Variants in MKLN1 observed in about 807,000 individuals in gnomAD.
MKLN1 encodes the protein muskelin.
A neutral mutation model predicts 99.0 loss-of-function variants in MKLN1; 18 were observed. The ratio of observed to expected loss-of-function variants is 0.18; its 90% CI spans 0.13 to 0.27. MKLN1 has a LOEUF of 0.27. Ranked by LOEUF, MKLN1 falls within the 10% of genes least tolerant of loss-of-function variation. The pLI is 1.00. For missense variants in MKLN1, 621 were observed against 875.9 expected (o/e 0.71, Z 3.67); for synonymous variants, 288 against 293.2 (o/e 0.98, Z 0.18).
intron 12 of MKLN1, among the ~76,000 whole-genome samples, chr7:131,448,944 C>G (rs898579626): frequency 6.6e-6 from 1 of 152,168 alleles, no homozygotes; most frequent in African/African-American, 2.4e-5. Context: ...ACTTGGGATT[C>G]ATCTATGGAC....
chr7:131,382,411 A>G (rs1182940080), intron 2 of MKLN1, among the ~76,000 whole-genome samples: 1 of 151,424 alleles, frequency 6.6e-6, no homozygotes, highest in East Asian at 1.9e-4. Context: ...TTGTGGTTTT[A>G]ATTTGCATTT....
chr7:131,325,702 CA>C (rs3837072), upstream of MKLN1, among the ~76,000 whole-genome samples: 125,843 of 144,676 alleles, frequency 0.87, 54,727 homozygotes, highest in East Asian at 0.91. Flanking sequence ...GATTCTGTCT[CA>C]AAAAAAAAAA....
chr7:131,116,711 T>C (rs1795283360), intron 1 of MKLN1, among the ~76,000 whole-genome samples: 1 of 151,422 alleles, frequency 6.6e-6, no homozygotes, highest in Non-Finnish European at 1.5e-5. Context: ...CTCTGGAAAA[T>C]TGGGTAAAGG....
rs1797400568 is a variant in MKLN1 at position 131,490,632 on chromosome 7, A to G, written c.*2904A>G. 6.6e-6 allele frequency: 1 copy of G among 152,594 alleles called. No homozygotes were observed. 9.5% of individuals were successfully genotyped at this position (152,594 alleles called of 1,614,324 possible). ...TCTTTTAGACCTGATTTTCATTTAT[A>G]TGAAAACAGACCTGTCCATGTCTAA... is the stretch of plus-strand genomic sequence containing the variant. On this transcript the variant is annotated 3_prime_UTR_variant, in exon 18 of 18. Transcript: ENST00000352689.
intron 1 of MKLN1, 44 bp from the exon 2 acceptor site, chr7:131,375,380 C>T (rs757686745): frequency 2.4e-6 from 3 of 1,227,274 alleles, no homozygotes; most frequent in Non-Finnish European, 3.6e-6. Context: ...CCTGTTTTTG[C>T]CTATTCATGT....
In MKLN1 at chr7:131,494,756, G is replaced by A. The variant is rs912944081; in HGVS notation, c.*7028G>A. 2 of 152,046 alleles carry A rather than the reference G, an allele frequency of 1.3e-5. No individual in the cohort carries two copies. Among genetic ancestry groups the A allele is most frequent in the Admixed American group, 6.6e-5 (1 of 15,246 alleles). 9.4% of individuals were successfully genotyped at this position (152,046 alleles called of 1,614,324 possible). A position where few individuals can be genotyped will look rare whatever the true frequency, so the allele number is the denominator to read the frequency against. Reference sequence around the variant, plus strand: ...TTATGATTGTCTTATTCTTTAAGCCGGCTTACTTTTTGGATTTGTGTGAAA... The same window carrying A: ...TTATGATTGTCTTATTCTTTAAGCCAGCTTACTTTTTGGATTTGTGTGAAA... On this transcript the variant is annotated 3_prime_UTR_variant, in exon 18 of 18. Coordinates refer to ENST00000352689, the MANE Select transcript of MKLN1 (RefSeq NM_013255.5).
At chr7:131,446,037 A>G in intron 12 of MKLN1, 134 bp downstream of exon 12, 1 of 516,148 alleles carries the variant, frequency 1.9e-6, no homozygotes. Flanking sequence ...AAGTAAGAGA[A>G]AGAAAATTCT....
intron 1 of MKLN1, among the ~76,000 whole-genome samples, chr7:131,123,390 T>C (rs1750778641): frequency 6.6e-6 from 1 of 152,202 alleles, no homozygotes; most frequent in East Asian, 1.9e-4. Flanking sequence ...AACCTGGCCA[T>C]ATTCCAATAA....
chr7:131,199,780 G>A (rs944432866), intron 2 of MKLN1, among the ~76,000 whole-genome samples: 1 of 152,128 alleles, frequency 6.6e-6, no homozygotes, highest in Non-Finnish European at 1.5e-5. Context: ...TGCAACATCT[G>A]CTGCCAGGGT....
At chr7:131,133,888 G>T (rs1795606795) in intron 1 of MKLN1, among the ~76,000 whole-genome samples, 1 of 127,790 alleles carries the variant, frequency 7.8e-6, no homozygotes, top group African/African-American at 2.9e-5. Context: ...GGAGCACAAT[G>T]GTGCAATCTC....
intron 12 of MKLN1, among the ~76,000 whole-genome samples, chr7:131,452,515 T>G (rs1253119618): frequency 1.3e-5 from 2 of 150,344 alleles, no homozygotes; most frequent in African/African-American, 2.4e-5. Context: ...AGTATGGTCA[T>G]AACTCTTTAT....
chr7:131,124,690 G>A, intron 1 of MKLN1, among the ~76,000 whole-genome samples: 1 of 152,068 alleles, frequency 6.6e-6, no homozygotes, highest in East Asian at 1.9e-4. Context: ...TGGTCCTCCT[G>A]CCTTGTATCC....
In MKLN1 at chr7:131,492,671, G is replaced by A. The variant is rs898852866; in HGVS notation, c.*4943G>A. ...GGATCACTTGAACCCAGGAGTTTGGGGTGCAGTGAGCTATGATTGCGACAC... is the reference window on the plus strand; with the variant it reads ...GGATCACTTGAACCCAGGAGTTTGGAGTGCAGTGAGCTATGATTGCGACAC... On this transcript the variant is annotated 3_prime_UTR_variant, in exon 18 of 18. Transcript: ENST00000352689. The A allele has an allele frequency of 1.3e-5, 2 of 150,248 alleles. No homozygotes were observed. Among genetic ancestry groups the A allele is most frequent in the Non-Finnish European group, 2.9e-5 (2 of 67,888 alleles). 9.3% of individuals were successfully genotyped at this position (150,248 alleles called of 1,614,324 possible). A position where few individuals can be genotyped will look rare whatever the true frequency, so the allele number is the denominator to read the frequency against.
chr7:131,370,081 G>T (rs1171367823), intron 1 of MKLN1, among the ~76,000 whole-genome samples: 1 of 152,206 alleles, frequency 6.6e-6, no homozygotes, highest in Admixed American at 6.5e-5. Flanking sequence ...CAGGTGATCC[G>T]CCGGCTTCGG....
intron 3 of MKLN1, among the ~76,000 whole-genome samples, chr7:131,283,346 C>CCCTTCCTTCCT (rs1563278415): frequency 2.7e-4 from 14 of 51,418 alleles, no homozygotes; most frequent in Admixed American, 2.4e-4. Flanking sequence ...TTCCCTTCCC[C>CCCTTCCTTCCT]TCCTTCCTTC....
chr7:131,161,986 T>C (rs1283751353), intron 2 of MKLN1, among the ~76,000 whole-genome samples: 2 of 103,466 alleles, frequency 1.9e-5, no homozygotes, highest in Non-Finnish European at 3.8e-5. Flanking sequence ...TATATATATA[T>C]ATATATATAT....
At chr7:131,218,223 T>C (rs1797012394) in intron 3 of MKLN1, among the ~76,000 whole-genome samples, 1 of 152,228 alleles carries the variant, frequency 6.6e-6, no homozygotes, top group African/African-American at 2.4e-5. Context: ...ATAATGATGT[T>C]ATCCATAGGG....
chr7:131,391,814 TG>T (rs1794204146), intron 4 of MKLN1, among the ~76,000 whole-genome samples: 1 of 152,230 alleles, frequency 6.6e-6, no homozygotes, highest in South Asian at 2.1e-4. Context: ...AAGAAATGAT[TG>T]CATTTTGGAT....
intron 3 of MKLN1, among the ~76,000 whole-genome samples, chr7:131,292,823 C>T (rs1268028911): frequency 5.9e-5 from 9 of 152,180 alleles, no homozygotes; most frequent in Admixed American, 5.9e-4. Context: ...ACACAGTGCA[C>T]CAAAGCATCA....
Sources: gnomAD v4.1 joint callset for allele counts (sites outside exome capture counted in the v4.1 genomes callset) on GRCh38, gnomAD v4.1.1 for gene constraint, MANE v1.5 for transcripts, NCBI Gene and HGNC (gene_info 2026-07-23, HGNC 2026-07-21) for gene names.